VTI1A: variants seen among roughly 807,000 people sequenced by gnomAD.
VTI1A encodes the protein vesicle transport through interaction with t-SNAREs 1A, also known as vesicle transport through interaction with t-SNAREs homolog 1A.
Under a neutral mutation model 34.9 loss-of-function variants are expected in VTI1A, and 22 were observed. The ratio of observed to expected loss-of-function variants is 0.63; its 90% CI spans 0.45 to 0.90. The LOEUF (loss-of-function observed/expected upper bound fraction) is 0.90, where lower values mean the gene tolerates loss of function less well. VTI1A is among the 40% of genes least tolerant of loss of function. VTI1A has a pLI of 0.00. For synonymous variants in VTI1A, 87 were observed against 97.3 expected, an observed-to-expected ratio of 0.89 and a Z score of 0.62; for missense variants, 268 against 275.6, an observed-to-expected ratio of 0.97 and a Z score of 0.20.
intron 5 of VTI1A, among the ~76,000 whole-genome samples, chr10:112,570,636 G>T (rs1221726490): frequency 1.3e-5 from 2 of 152,206 alleles, no homozygotes; most frequent in African/African-American, 4.8e-5. Context: ...GTAGAGTGTT[G>T]CTCACGTAAT....
intron 7 of VTI1A, chr10:112,737,071 TC>T (rs1168183324): frequency 2.7e-5 from 11 of 400,982 alleles, no homozygotes; most frequent in African/African-American, 6.0e-5. Context: ...TCTTTTTTTT[TC>T]TTTTTCTTTT....
At chr10:112,746,879 T>C (rs981364838) in intron 7 of VTI1A, among the ~76,000 whole-genome samples, 2 of 152,206 alleles carry the variant, frequency 1.3e-5, no homozygotes, top group Non-Finnish European at 2.9e-5. Context: ...GATAAAAATA[T>C]GTTAATAATA....
chr10:112,496,432 G>A (rs1430450316), intron 3 of VTI1A, among the ~76,000 whole-genome samples: 4 of 151,950 alleles, frequency 2.6e-5, no homozygotes, highest in African/African-American at 9.7e-5. Context: ...TTAGCCAGGC[G>A]TGGTGATGCG....
At chr10:112,488,229 A>G (rs1331719585) in intron 3 of VTI1A, among the ~76,000 whole-genome samples, 2 of 152,226 alleles carry the variant, frequency 1.3e-5, no homozygotes, top group African/African-American at 2.4e-5. Context: ...CAACTACATT[A>G]TATGCTATTT....
chr10:112,719,667 T>A (rs899544998), intron 7 of VTI1A, among the ~76,000 whole-genome samples: 1 of 152,070 alleles, frequency 6.6e-6, no homozygotes, highest in African/African-American at 2.4e-5. Context: ...CTGCCTCAGC[T>A]TTCCGAGTAG....
At chr10:112,549,391 A>G (rs1000466568) in intron 5 of VTI1A, among the ~76,000 whole-genome samples, 7 of 152,212 alleles carry the variant, frequency 4.6e-5, no homozygotes, top group Non-Finnish European at 7.3e-5. Flanking sequence ...AGAGAATGTT[A>G]TGTGTCCATA....
At chr10:112,763,026 C>T (rs943868019) in intron 7 of VTI1A, among the ~76,000 whole-genome samples, 30 of 152,106 alleles carry the variant, frequency 2.0e-4, no homozygotes, top group African/African-American at 7.0e-4. Context: ...ACTCCATACC[C>T]AGACAGCCCC....
At chr10:112,689,946 G>C (rs1848557818) in intron 7 of VTI1A, among the ~76,000 whole-genome samples, 1 of 152,030 alleles carries the variant, frequency 6.6e-6, no homozygotes, top group African/African-American at 2.4e-5. Flanking sequence ...CTGCCACAGA[G>C]AGCCACTGAT....
At chr10:112,794,518 C>T (rs1852605938) in intron 7 of VTI1A, among the ~76,000 whole-genome samples, 1 of 151,974 alleles carries the variant, frequency 6.6e-6, no homozygotes, top group Non-Finnish European at 1.5e-5. Context: ...CGCTGTTGCA[C>T]TCCAGCCTGG....
intron 4 of VTI1A, among the ~76,000 whole-genome samples, chr10:112,527,817 C>A (rs1486286191): frequency 6.6e-6 from 1 of 152,010 alleles, no homozygotes; most frequent in African/African-American, 2.4e-5. Context: ...AGCTTTACAA[C>A]TTGGCTGTCG....
intron 7 of VTI1A, among the ~76,000 whole-genome samples, chr10:112,687,219 CTTTTTTTTTTT>C (rs71303594): frequency 8.7e-4 from 74 of 84,600 alleles, no homozygotes; most frequent in Admixed American, 4.0e-3. Flanking sequence ...CATACTACAA[CTTTTTTTTTTT>C]TTTTTTTTTT....
chr10:112,819,231 C>T (rs903769746), downstream of VTI1A, among the ~76,000 whole-genome samples: 1 of 152,118 alleles, frequency 6.6e-6, no homozygotes, highest in African/African-American at 2.4e-5. Flanking sequence ...GGAGAATTAA[C>T]TAGGAGTGAT....
intron 7 of VTI1A, among the ~76,000 whole-genome samples, chr10:112,793,682 T>C (rs1363769995): frequency 1.3e-5 from 2 of 152,248 alleles, no homozygotes; most frequent in Non-Finnish European, 1.5e-5. Flanking sequence ...GTGGCACTGC[T>C]TGAACTCTGA....
chr10:112,577,680 GC>G (rs1239067735), intron 5 of VTI1A, among the ~76,000 whole-genome samples: 10 of 152,226 alleles, frequency 6.6e-5, no homozygotes, highest in Admixed American at 6.5e-4. Flanking sequence ...ATATGATGAG[GC>G]CTATACTTAA....
At chr10:112,791,829 A>G (rs531465473) in intron 7 of VTI1A, among the ~76,000 whole-genome samples, 14 of 48,428 alleles carry the variant, frequency 2.9e-4, no homozygotes, top group South Asian at 1.4e-3. Context: ...ATTAAACAAT[A>G]TAACTTTTTT....
chr10:112,483,155 T>C (rs868091966), intron 3 of VTI1A, among the ~76,000 whole-genome samples: 1 of 152,140 alleles, frequency 6.6e-6, no homozygotes, highest in Non-Finnish European at 1.5e-5. Context: ...TCCTGCTATA[T>C]CCAGATGCTT....
intron 7 of VTI1A, among the ~76,000 whole-genome samples, chr10:112,791,732 AC>A (rs943707849): frequency 2.0e-4 from 30 of 150,342 alleles, no homozygotes; most frequent in African/African-American, 6.9e-4. Flanking sequence ...CCCCCACAGC[AC>A]CCCCTCACTT....
chr10:112,545,674 C>T (rs567898596), intron 5 of VTI1A, among the ~76,000 whole-genome samples: 2 of 152,262 alleles, frequency 1.3e-5, no homozygotes, highest in South Asian at 2.1e-4. Flanking sequence ...GGTCCCATGT[C>T]GGATCTACTG....
chr10:112,675,824 T>C (rs1371822726), intron 7 of VTI1A, among the ~76,000 whole-genome samples: 1 of 152,196 alleles, frequency 6.6e-6, no homozygotes, highest in Non-Finnish European at 1.5e-5. Flanking sequence ...TAAGGGGTAG[T>C]AGGCTCTGGA....
Sources: allele counts gnomAD v4.1 joint callset (sites outside exome capture counted in the v4.1 genomes callset), GRCh38; gene constraint gnomAD v4.1.1; transcripts MANE v1.5; gene names NCBI Gene and HGNC (gene_info 2026-07-23, HGNC 2026-07-21).